Variants in SCARA5 observed in about 807,000 individuals in gnomAD.
The protein encoded by SCARA5 is scavenger receptor class A, member 5 (putative).
SCARA5 carries 45 observed loss-of-function variants against 46.3 expected under a neutral mutation model. That is an observed-to-expected ratio of 0.97 (90% confidence interval 0.76 to 1.24). The LOEUF (loss-of-function observed/expected upper bound fraction) is 1.24, where lower values mean the gene tolerates loss of function less well. Ranked by LOEUF, SCARA5 falls within the 50% of genes most tolerant of loss-of-function variation. SCARA5 has a pLI of 0.00. For missense variants in SCARA5, 680 were observed against 689.0 expected, an observed-to-expected ratio of 0.99 and a Z score of 0.15; for synonymous variants, 333 against 306.5, an observed-to-expected ratio of 1.09 and a Z score of -0.90.
chr8:27,971,370 T>G (rs1447850839), intron 2 of SCARA5, among the ~76,000 whole-genome samples: 1 of 152,232 alleles, frequency 6.6e-6, no homozygotes, highest in African/African-American at 2.4e-5. Context: ...CTGAACTCTG[T>G]TCTCTTTGTC....
intron 3 of SCARA5, among the ~76,000 whole-genome samples, chr8:27,941,627 T>A (rs1000467982): frequency 3.3e-5 from 5 of 151,962 alleles, no homozygotes; most frequent in Admixed American, 6.6e-5. Flanking sequence ...TTAACATCCT[T>A]TCCATGCACA....
intron 4 of SCARA5, among the ~76,000 whole-genome samples, chr8:27,918,305 C>CA (rs1190710496): frequency 6.6e-6 from 1 of 152,148 alleles, no homozygotes; most frequent in Non-Finnish European, 1.5e-5. Context: ...TGCCTTAAAC[C>CA]ACCTCATAGA....
intron 2 of SCARA5, among the ~76,000 whole-genome samples, chr8:27,973,408 C>T (rs1585521912): frequency 6.6e-6 from 1 of 152,112 alleles, no homozygotes; most frequent in South Asian, 2.1e-4. Context: ...ACCCAGGGGG[C>T]GGAGATTGCA....
chr8:27,892,752 C>T (rs949990637), intron 7 of SCARA5, among the ~76,000 whole-genome samples: 1 of 152,040 alleles, frequency 6.6e-6, no homozygotes, highest in Non-Finnish European at 1.5e-5. Flanking sequence ...ACCACAGGCG[C>T]CCGCCACCAC....
rs545218913 is a variant in SCARA5, at chr8:27,926,563, C to G, written c.242-4318G>C. ...TTGTATCAAACCTGCACGTTGTGCA[C>G]ATGTACCCTAGAACTTCAAGTATAA... On this transcript the variant is annotated intron_variant, in intron 3 of 8. Transcript: ENST00000354914. Among the ~76,000 whole-genome samples the G allele has an allele frequency of 1.3e-5, 2 of 152,268 alleles. 1 individual carries two copies. The highest frequency in any genetic ancestry group is 1.3e-4 in the Admixed American group (2 of 15,300).
At chr8:27,935,740 T>C (rs1176204204) in intron 3 of SCARA5, among the ~76,000 whole-genome samples, 1 of 152,146 alleles carries the variant, frequency 6.6e-6, no homozygotes, top group African/African-American at 2.4e-5. Context: ...ACCAGGCTGT[T>C]GGCCCCACCC....
rs1204339619 is a variant in SCARA5, at chr8:27,921,886, G to C, written c.601C>G (p.Arg201Gly). The C allele has an allele frequency of 6.7e-7, 1 of 1,496,680 alleles. No homozygotes were observed. The highest frequency in any genetic ancestry group is 8.8e-7 in the Non-Finnish European group (1 of 1,131,164). 92.7% of individuals were successfully genotyped at this position (1,496,680 alleles called of 1,614,324 possible). The part of the protein sequence containing the change: ...ESNSSQLLLR[R>G]HAGLLDGLAR... Reference sequence around the variant, plus strand: ...AGCCCGTCCAGCAGGCCCGCGTGGCGCCTCAGCAGCAGCTGGCTACTGTTG... The same window carrying C: ...AGCCCGTCCAGCAGGCCCGCGTGGCCCCTCAGCAGCAGCTGGCTACTGTTG... Residue 201 changes from arginine (R) to glycine (G), a missense_variant, in exon 4 of 9, where the codon CGC becomes GGC. By Grantham distance (125) the Arg-to-Gly change is moderately radical. Coordinates refer to ENST00000354914, the MANE Select transcript of SCARA5 (RefSeq NM_173833.6).
At chr8:27,936,216 G>A (rs1365377962) in intron 3 of SCARA5, among the ~76,000 whole-genome samples, 1 of 152,046 alleles carries the variant, frequency 6.6e-6, no homozygotes, top group East Asian at 1.9e-4. Flanking sequence ...GGGGCTCTAG[G>A]GCAACATGGT....
At chr8:27,874,726 T>C (rs1036339611) in intron 8 of SCARA5, among the ~76,000 whole-genome samples, 1 of 152,232 alleles carries the variant, frequency 6.6e-6, no homozygotes, top group Non-Finnish European at 1.5e-5. Context: ...TAATTAGACG[T>C]GAACGCTCCT....
At chr8:27,966,640 T>A in intron 2 of SCARA5, 98 bp from the exon 3 acceptor site, 1 of 1,309,898 alleles carries the variant, frequency 7.6e-7, no homozygotes, top group Non-Finnish European at 1.0e-6. Flanking sequence ...TGCATGCAGA[T>A]GTTCATGTTG....
chr8:27,871,646 G>A lies in SCARA5; in HGVS notation c.*288C>T. ...ACTGGGATATTGAGGCCTGGTGCATGGTGTTCAGAGGCTGGGCAAAGTGGT... is the reference window on the plus strand; with the variant it reads ...ACTGGGATATTGAGGCCTGGTGCATAGTGTTCAGAGGCTGGGCAAAGTGGT... On this transcript the variant is annotated 3_prime_UTR_variant, in exon 9 of 9. Coordinates refer to ENST00000354914, the MANE Select transcript of SCARA5 (RefSeq NM_173833.6). 1 of 1,306,888 alleles carries A rather than the reference G, an allele frequency of 7.7e-7. No individual in the cohort carries two copies. Among genetic ancestry groups the A allele is most frequent in the South Asian group, 1.9e-5 (1 of 52,618 alleles). 81.0% of individuals were successfully genotyped at this position (1,306,888 alleles called of 1,614,324 possible).
At chr8:27,982,106 G>C (rs1023352315) in intron 2 of SCARA5, among the ~76,000 whole-genome samples, 3 of 152,208 alleles carry the variant, frequency 2.0e-5, no homozygotes, top group Admixed American at 2.0e-4. Context: ...GTCGGCAGCT[G>C]CCAGGAGCAT....
chr8:27,913,322 A>AT (rs1364467449), intron 4 of SCARA5, among the ~76,000 whole-genome samples: 4 of 152,192 alleles, frequency 2.6e-5, no homozygotes, highest in African/African-American at 9.6e-5. Flanking sequence ...AGGGCTGATG[A>AT]TTTGGCCAGA....
intron 2 of SCARA5, 61 bp downstream of exon 2, chr8:27,987,443 G>A (rs1425889451): frequency 2.6e-6 from 3 of 1,137,500 alleles, no homozygotes; most frequent in East Asian, 2.3e-5. Context: ...GGTGGTGGTA[G>A]GGCTCCTTCC....
At chr8:27,982,375 G>C (rs1288180836) in intron 2 of SCARA5, among the ~76,000 whole-genome samples, 1 of 151,476 alleles carries the variant, frequency 6.6e-6, no homozygotes, top group Non-Finnish European at 1.5e-5. Flanking sequence ...GAGAAAGGAA[G>C]GTGGGGGTGG....
chr8:27,897,053 C>T (rs1444083357), intron 7 of SCARA5, among the ~76,000 whole-genome samples: 2 of 151,488 alleles, frequency 1.3e-5, no homozygotes, highest in Non-Finnish European at 2.9e-5. Context: ...GATTGTGCCA[C>T]TGCACTCCAG....
intron 4 of SCARA5, among the ~76,000 whole-genome samples, chr8:27,917,820 G>A (rs1807486768): frequency 6.6e-6 from 1 of 152,158 alleles, no homozygotes; most frequent in Non-Finnish European, 1.5e-5. Context: ...CTAGGGGCAA[G>A]GGAGGTCAAG....
intron 2 of SCARA5, among the ~76,000 whole-genome samples, chr8:27,971,608 A>G (rs1398264695): frequency 6.6e-6 from 1 of 152,182 alleles, no homozygotes; most frequent in Non-Finnish European, 1.5e-5. Context: ...CCCAAACTCA[A>G]ACAGACTCAT....
At chr8:27,965,825 T>A (rs1808360610) in intron 3 of SCARA5, among the ~76,000 whole-genome samples, 2 of 152,186 alleles carry the variant, frequency 1.3e-5, no homozygotes, top group South Asian at 4.1e-4. Flanking sequence ...GCTGGGCTGC[T>A]CACAGCTTGG....
Sources: allele counts gnomAD v4.1 joint callset (sites outside exome capture counted in the v4.1 genomes callset), GRCh38; gene constraint gnomAD v4.1.1; transcripts MANE v1.5; gene names NCBI Gene and HGNC (gene_info 2026-07-23, HGNC 2026-07-21).